RAD51B: variants seen among roughly 807,000 people sequenced by gnomAD.
The protein encoded by RAD51B is RAD51 paralog B, also known as DNA repair protein RAD51 homolog 2.
In RAD51B, 38 loss-of-function variants were observed where a neutral mutation model predicts 42.2. The ratio of observed to expected loss-of-function variants is 0.90; its 90% CI spans 0.70 to 1.18. The LOEUF is 1.18. Among genes scored for constraint, RAD51B ranks in the 50% most tolerant of loss-of-function variants. The probability of loss-of-function intolerance (pLI) is 0.00; values close to 1 mark genes in which losing one functional copy is unlikely to be tolerated. For missense variants in RAD51B, 373 were observed against 400.7 expected, an observed-to-expected ratio of 0.93 and a Z score of 0.59; for synonymous variants, 154 against 145.2, an observed-to-expected ratio of 1.06 and a Z score of -0.43.
intron 7 of RAD51B, among the ~76,000 whole-genome samples, chr14:67,944,325 T>A (rs1220989425): frequency 6.6e-6 from 1 of 151,930 alleles, no homozygotes; most frequent in Non-Finnish European, 1.5e-5. Context: ...GCCACAAATA[T>A]ATAAGGAAGT....
intron 7 of RAD51B, among the ~76,000 whole-genome samples, chr14:68,258,405 CACCA>C (rs2080801042): frequency 6.7e-6 from 1 of 149,392 alleles, no homozygotes; most frequent in African/African-American, 2.5e-5. Flanking sequence ...TATACACACA[CACCA>C]CACACACACA....
chr14:68,577,329 C>T (rs908558521), intron 10 of RAD51B, among the ~76,000 whole-genome samples: 3 of 152,170 alleles, frequency 2.0e-5, no homozygotes, highest in Non-Finnish European at 4.4e-5. Context: ...CCTTCTCATC[C>T]TGTGGCCTTG....
chr14:68,465,946 A>AT (rs1285981787), intron 9 of RAD51B, among the ~76,000 whole-genome samples: 35 of 56,416 alleles, frequency 6.2e-4, no homozygotes, highest in African/African-American at 2.4e-3. Flanking sequence ...GTCTCAAAAA[A>AT]AAAAAAAATA....
chr14:68,630,748 A>G (rs537847462), intron 10 of RAD51B, among the ~76,000 whole-genome samples: 2 of 152,086 alleles, frequency 1.3e-5, no homozygotes, highest in East Asian at 3.9e-4. Context: ...ACATTGACCC[A>G]TACCACCACC....
chr14:68,505,577 G>A (rs1885254805), intron 10 of RAD51B, among the ~76,000 whole-genome samples: 1 of 139,168 alleles, frequency 7.2e-6, no homozygotes, highest in South Asian at 2.3e-4. Context: ...TTGAGACGGA[G>A]TCTCGCTCCG....
At chr14:67,830,218 C>T (rs1025946724) in intron 3 of RAD51B, among the ~76,000 whole-genome samples, 2 of 151,950 alleles carry the variant, frequency 1.3e-5, no homozygotes, top group Non-Finnish European at 2.9e-5. Context: ...AAAGGGTATA[C>T]TGTAATATGT....
chr14:67,926,249 C>T (rs913045522), intron 7 of RAD51B, among the ~76,000 whole-genome samples: 2 of 152,202 alleles, frequency 1.3e-5, no homozygotes, highest in Non-Finnish European at 1.5e-5. Context: ...CCTTTAACAG[C>T]ACCCAAGTCA....
chr14:68,562,023 C>A lies in RAD51B; in HGVS notation c.1037-32462C>A, dbSNP rs1889177886. ...AGCTGCTCCTGTCTGCCTCACAGCA[C>A]GTCTCTGAAGCTGTCTTTGCAGAAT... On this transcript the variant is annotated intron_variant, in intron 10 of 10. Transcript: ENST00000487270. 5.1e-6 allele frequency: 5 copies of A among 985,388 alleles called. No individual in the cohort carries two copies. The South Asian group carries it at 2.3e-4, about 46-fold the overall frequency. 61.0% of individuals were successfully genotyped at this position (985,388 alleles called of 1,614,324 possible). A position where few individuals can be genotyped will look rare whatever the true frequency, so the allele number is the denominator to read the frequency against.
chr14:68,256,198 T>G (rs1195208529), intron 7 of RAD51B, among the ~76,000 whole-genome samples: 1 of 152,230 alleles, frequency 6.6e-6, no homozygotes, highest in Non-Finnish European at 1.5e-5. Context: ...GACTAGTCAC[T>G]GGAGTTACAG....
intron 7 of RAD51B, among the ~76,000 whole-genome samples, chr14:67,933,927 T>A (rs1444190511): frequency 1.3e-5 from 2 of 152,224 alleles, no homozygotes; most frequent in Non-Finnish European, 2.9e-5. Flanking sequence ...TCTACCAGAA[T>A]TGAAGTAACA....
intron 11 of RAD51B, among the ~76,000 whole-genome samples, chr14:68,676,637 G>T (rs1893311546): frequency 6.6e-6 from 1 of 152,234 alleles, no homozygotes. Context: ...GTTCAGGAAG[G>T]TGTACATGTC....
chr14:68,543,188 T>C (rs1011535075), intron 10 of RAD51B, among the ~76,000 whole-genome samples: 3 of 152,224 alleles, frequency 2.0e-5, no homozygotes, highest in African/African-American at 7.2e-5. Context: ...AGCATGGTTG[T>C]GTTCTAAAAA....
chr14:68,658,304 G>A (rs911243347), intron 11 of RAD51B, among the ~76,000 whole-genome samples: 3 of 152,228 alleles, frequency 2.0e-5, no homozygotes, highest in Non-Finnish European at 2.9e-5. Flanking sequence ...TGCCCGGACC[G>A]AGAATCTGGG....
intron 8 of RAD51B, among the ~76,000 whole-genome samples, chr14:68,344,290 C>T (rs1446693147): frequency 6.6e-6 from 1 of 152,246 alleles, no homozygotes; most frequent in Admixed American, 6.5e-5. Flanking sequence ...CAGCGCTGCC[C>T]ATGCACCAGT....
chr14:68,355,105 G>A (rs993576896), intron 8 of RAD51B, among the ~76,000 whole-genome samples: 3 of 152,268 alleles, frequency 2.0e-5, no homozygotes, highest in South Asian at 2.1e-4. Context: ...ATAGGCAGCC[G>A]CCCAATGGGA....
chr14:68,334,972 T>A (rs1276930894), intron 8 of RAD51B, among the ~76,000 whole-genome samples: 7 of 146,056 alleles, frequency 4.8e-5, no homozygotes, highest in African/African-American at 7.6e-5. Context: ...TATATATATA[T>A]AAAAAAACAA....
chr14:67,970,561 G>C (rs913970656), intron 7 of RAD51B, among the ~76,000 whole-genome samples: 4 of 150,760 alleles, frequency 2.7e-5, no homozygotes, highest in Non-Finnish European at 4.4e-5. Context: ...TATGAGTTCT[G>C]TCATCTTGAT....
At chr14:68,337,366 C>G (rs1334582723) in intron 8 of RAD51B, among the ~76,000 whole-genome samples, 4 of 152,184 alleles carry the variant, frequency 2.6e-5, no homozygotes. Flanking sequence ...CCCCTCAGAA[C>G]CTTAAATCTC....
At chr14:68,613,164 C>A (rs1891736503), downstream of RAD51B, among the ~76,000 whole-genome samples, 1 of 152,124 alleles carries the variant, frequency 6.6e-6, no homozygotes, top group Non-Finnish European at 1.5e-5. Context: ...GCCTGTAATC[C>A]CAGCACTTTG....
Sources: gnomAD v4.1 joint callset for allele counts (sites outside exome capture counted in the v4.1 genomes callset) on GRCh38, gnomAD v4.1.1 for gene constraint, MANE v1.5 for transcripts, NCBI Gene and HGNC (gene_info 2026-07-23, HGNC 2026-07-21) for gene names.